The following STAU2 variants were observed in gnomAD, a reference collection of about 807,000 sequenced individuals.
STAU2 encodes staufen double-stranded RNA binding protein 2.
STAU2 carries 20 observed loss-of-function variants against 65.9 expected under a neutral mutation model. That is an observed-to-expected ratio of 0.30 (90% CI 0.21 to 0.44). The LOEUF (loss-of-function observed/expected upper bound fraction) is 0.44. Ranked by LOEUF, STAU2 falls within the 20% of genes least tolerant of loss-of-function variation. STAU2 has a pLI of 1.00. For missense variants in STAU2, 558 were observed against 683.9 expected (o/e 0.82, Z 2.05); for synonymous variants, 232 against 233.9 (o/e 0.99, Z 0.07).
intron 4 of STAU2, among the ~76,000 whole-genome samples, chr8:73,701,110 CA>C (rs1035755905): frequency 6.6e-6 from 1 of 151,642 alleles, no homozygotes; most frequent in African/African-American, 2.4e-5. Context: ...TTGCCATACA[CA>C]AAAAAAATCA....
chr8:73,715,273 T>C (rs1289052201), intron 3 of STAU2, among the ~76,000 whole-genome samples: 2 of 151,776 alleles, frequency 1.3e-5, no homozygotes, highest in African/African-American at 4.8e-5. Flanking sequence ...CTGGCCAACA[T>C]GGTGAAACCC....
At chr8:73,628,079 A>C (rs1813822647) in intron 6 of STAU2, among the ~76,000 whole-genome samples, 2 of 144,672 alleles carry the variant, frequency 1.4e-5, no homozygotes, top group Non-Finnish European at 1.5e-5. Context: ...TTAAAATGTA[A>C]GTTTTTTTTT....
chr8:73,742,285 C>A, intron 1 of STAU2: 1 of 976,276 alleles, frequency 1.0e-6, no homozygotes, highest in Non-Finnish European at 1.2e-6. Flanking sequence ...GTAATCCCAG[C>A]ACTTTTGGAG....
intron 12 of STAU2, among the ~76,000 whole-genome samples, chr8:73,569,477 G>A (rs1210133547): frequency 6.6e-6 from 1 of 151,938 alleles, no homozygotes; most frequent in Non-Finnish European, 1.5e-5. Flanking sequence ...TCCCAGCATG[G>A]AGTCTGAGAT....
chr8:73,589,791 T>C (rs1015517361), intron 11 of STAU2, among the ~76,000 whole-genome samples: 1 of 151,924 alleles, frequency 6.6e-6, no homozygotes, highest in South Asian at 2.1e-4. Flanking sequence ...TAAAAGATAA[T>C]AGCTAAGAAC....
intron 13 of STAU2, among the ~76,000 whole-genome samples, chr8:73,504,482 T>C (rs1250715429): frequency 6.6e-6 from 1 of 152,176 alleles, no homozygotes; most frequent in Admixed American, 6.5e-5. Context: ...CTTTAGGGAT[T>C]ACATAGACTA....
At chr8:73,514,672 T>C (rs1018093730) in intron 13 of STAU2, among the ~76,000 whole-genome samples, 5 of 152,244 alleles carry the variant, frequency 3.3e-5, no homozygotes, top group African/African-American at 9.6e-5. Context: ...CTATACTCCA[T>C]AGCTCTTCAG....
At chr8:73,582,289 T>C (rs2128962343) in intron 12 of STAU2, among the ~76,000 whole-genome samples, 1 of 152,044 alleles carries the variant, frequency 6.6e-6, no homozygotes, top group South Asian at 2.1e-4. Context: ...AAAAAATGCT[T>C]AGGCAATGTT....
At chr8:73,740,223 C>G (rs896572356) in intron 1 of STAU2, among the ~76,000 whole-genome samples, 1 of 152,168 alleles carries the variant, frequency 6.6e-6, no homozygotes, top group Non-Finnish European at 1.5e-5. Flanking sequence ...TAAGCTGCAC[C>G]CAGATTTCTA....
At chr8:73,575,341 C>A (rs1809457440) in intron 12 of STAU2, among the ~76,000 whole-genome samples, 1 of 152,156 alleles carries the variant, frequency 6.6e-6, no homozygotes, top group South Asian at 2.1e-4. Context: ...TTTGATAGCA[C>A]ACTGTGTTCC....
At chr8:73,715,435 AAC>A (rs780514185) in intron 3 of STAU2, among the ~76,000 whole-genome samples, 2 of 145,780 alleles carry the variant, frequency 1.4e-5, no homozygotes, top group Non-Finnish European at 3.0e-5. Context: ...TAGCCTGGGC[AAC>A]AGAGTGAGAC....
chr8:73,538,839 A>G (rs1217242890), intron 13 of STAU2, among the ~76,000 whole-genome samples: 1 of 152,172 alleles, frequency 6.6e-6, no homozygotes, highest in Non-Finnish European at 1.5e-5. Flanking sequence ...AGCAAATACC[A>G]CTACTTATGA....
chr8:73,696,467 A>G (rs2130574219), intron 4 of STAU2, among the ~76,000 whole-genome samples: 1 of 152,364 alleles, frequency 6.6e-6, no homozygotes, highest in African/African-American at 2.4e-5. Context: ...AGCTGTTTTG[A>G]GGAAACTCAA....
intron 4 of STAU2, among the ~76,000 whole-genome samples, chr8:73,705,226 T>C (rs1333832207): frequency 6.6e-6 from 1 of 152,184 alleles, no homozygotes; most frequent in Non-Finnish European, 1.5e-5. Context: ...TTACTCCATT[T>C]ACAGATAAGA....
chr8:73,566,561 C>A (rs1399353520), intron 12 of STAU2, among the ~76,000 whole-genome samples: 1 of 152,142 alleles, frequency 6.6e-6, no homozygotes, highest in Non-Finnish European at 1.5e-5. Flanking sequence ...AAACACTATT[C>A]TCTTTTTTTC....
chr8:73,464,290 T>G (rs1478270213), intron 13 of STAU2, among the ~76,000 whole-genome samples: 3 of 152,156 alleles, frequency 2.0e-5, no homozygotes, highest in Non-Finnish European at 4.4e-5. Context: ...AAGTCTCCAT[T>G]TTCCCTCAGA....
intron 3 of STAU2, among the ~76,000 whole-genome samples, chr8:73,730,853 G>C (rs942034193): frequency 6.6e-6 from 1 of 151,660 alleles, no homozygotes; most frequent in African/African-American, 2.4e-5. Flanking sequence ...GTCCCTTACT[G>C]ATATTCTGTC....
At chr8:73,525,044 G>A (rs186346581) in intron 13 of STAU2, among the ~76,000 whole-genome samples, 98 of 152,114 alleles carry the variant, frequency 6.4e-4, no homozygotes, top group African/African-American at 2.1e-3. Context: ...AACAAGAGAG[G>A]AGCAGTGATC....
chr8:73,685,921 G>A (rs1228191762), intron 5 of STAU2, among the ~76,000 whole-genome samples: 5 of 152,166 alleles, frequency 3.3e-5, no homozygotes, highest in East Asian at 1.9e-4. Context: ...ACCAATCAAC[G>A]AACGGATAAA....
Sources: allele counts gnomAD v4.1 joint callset (sites outside exome capture counted in the v4.1 genomes callset), GRCh38; gene constraint gnomAD v4.1.1; transcripts MANE v1.5; gene names NCBI Gene and HGNC (gene_info 2026-07-23, HGNC 2026-07-21).